KCNB2: variants seen among roughly 807,000 people sequenced by gnomAD.
KCNB2 encodes the protein potassium voltage-gated channel subfamily B member 2.
A neutral mutation model predicts 61.5 loss-of-function variants in KCNB2; 15 were observed. That is an observed-to-expected ratio of 0.24 (90% CI 0.16 to 0.38). The LOEUF (loss-of-function observed/expected upper bound fraction) is 0.38. Among genes scored for constraint, KCNB2 ranks in the 10% least tolerant of loss-of-function variants. The probability of loss-of-function intolerance (pLI) is 1.00; values close to 1 mark genes in which losing one functional copy is unlikely to be tolerated. For missense variants in KCNB2, 828 were observed against 1,125.2 expected, an observed-to-expected ratio of 0.74 and a Z score of 3.78; for synonymous variants, 457 against 446.0, an observed-to-expected ratio of 1.02 and a Z score of -0.31.
intron 2 of KCNB2, among the ~76,000 whole-genome samples, chr8:72,590,226 G>A (rs1208012124): frequency 6.6e-6 from 1 of 152,136 alleles, no homozygotes; most frequent in Non-Finnish European, 1.5e-5. Flanking sequence ...TAGGTATCAT[G>A]TGGTACAGCA....
chr8:72,621,077 TTC>T (rs1805706767), intron 2 of KCNB2, among the ~76,000 whole-genome samples: 1 of 152,194 alleles, frequency 6.6e-6, no homozygotes, highest in Non-Finnish European at 1.5e-5. Context: ...ATAAAAGTGA[TTC>T]TGTTTATATG....
At chr8:72,564,777 T>A (rs1308859030) in intron 1 of KCNB2, among the ~76,000 whole-genome samples, 1 of 152,186 alleles carries the variant, frequency 6.6e-6, no homozygotes, top group Non-Finnish European at 1.5e-5. Flanking sequence ...ATCCCAGGCC[T>A]GCCTTTATAA....
intron 2 of KCNB2, among the ~76,000 whole-genome samples, chr8:72,853,383 C>T (rs1039161378): frequency 3.9e-5 from 6 of 152,220 alleles, no homozygotes; most frequent in African/African-American, 1.4e-4. Flanking sequence ...AGGGATCAAG[C>T]TCAATCTGAC....
chr8:72,869,131 C>T (rs1401361829), intron 2 of KCNB2, among the ~76,000 whole-genome samples: 2 of 152,156 alleles, frequency 1.3e-5, no homozygotes, highest in African/African-American at 4.8e-5. Context: ...GGAAGCTGCA[C>T]AGAGATAAGA....
intron 2 of KCNB2, among the ~76,000 whole-genome samples, chr8:72,588,512 T>G (rs1807036359): frequency 6.6e-6 from 1 of 152,110 alleles, no homozygotes; most frequent in South Asian, 2.1e-4. Flanking sequence ...GTGCTGAGAT[T>G]ACAGGCTTAA....
intron 2 of KCNB2, among the ~76,000 whole-genome samples, chr8:72,844,686 T>C (rs1000567357): frequency 1.3e-5 from 2 of 152,246 alleles, no homozygotes; most frequent in African/African-American, 4.8e-5. Context: ...TTTCATTAAG[T>C]TGATCTTCAA....
At chr8:72,600,844 G>A (rs1262710822) in intron 2 of KCNB2, among the ~76,000 whole-genome samples, 1 of 152,068 alleles carries the variant, frequency 6.6e-6, no homozygotes, top group Non-Finnish European at 1.5e-5. Context: ...CCAGTAGGGT[G>A]GAGGGTGGGA....
chr8:72,759,167 A>G (rs1025267352), intron 2 of KCNB2, among the ~76,000 whole-genome samples: 1 of 152,198 alleles, frequency 6.6e-6, no homozygotes, highest in Non-Finnish European at 1.5e-5. Flanking sequence ...TCAGTAAAAA[A>G]GAGGGATAGA....
intron 2 of KCNB2, among the ~76,000 whole-genome samples, chr8:72,645,802 A>G (rs1439419957): frequency 6.6e-6 from 1 of 152,158 alleles, no homozygotes; most frequent in Non-Finnish European, 1.5e-5. Context: ...ACCTTTACCA[A>G]TTTTAGATAG....
chr8:72,899,278 C>T (rs1169870721), intron 2 of KCNB2, among the ~76,000 whole-genome samples: 2 of 152,118 alleles, frequency 1.3e-5, no homozygotes, highest in Non-Finnish European at 2.9e-5. Flanking sequence ...AAGCCCACAG[C>T]CAACATCACA....
intron 2 of KCNB2, among the ~76,000 whole-genome samples, chr8:72,826,349 A>G (rs1302263184): frequency 6.6e-6 from 1 of 152,164 alleles, no homozygotes; most frequent in African/African-American, 2.4e-5. Flanking sequence ...GCAGGTCTAC[A>G]TGTTGGTGTT....
chr8:72,737,931 G>A (rs941843638), intron 2 of KCNB2, among the ~76,000 whole-genome samples: 1 of 152,094 alleles, frequency 6.6e-6, no homozygotes, highest in African/African-American at 2.4e-5. Flanking sequence ...TGAGATGCAG[G>A]ATTTTCCTCA....
At chr8:72,928,195 T>C (rs1482027) in intron 2 of KCNB2, among the ~76,000 whole-genome samples, 60,990 of 146,098 alleles carry the variant, frequency 0.42, 13,789 homozygotes, top group East Asian at 0.87. Flanking sequence ...TTCTTTCTTT[T>C]TTTTTTTTTT....
chr8:72,561,706 T>C (rs1294488660), intron 1 of KCNB2, among the ~76,000 whole-genome samples: 16 of 20,652 alleles, frequency 7.7e-4, no homozygotes, highest in African/African-American at 3.9e-3. Context: ...TATATATATA[T>C]ATATATATAT....
chr8:72,664,448 A>G (rs1314636574), intron 2 of KCNB2, among the ~76,000 whole-genome samples: 2 of 152,232 alleles, frequency 1.3e-5, no homozygotes, highest in East Asian at 3.8e-4. Flanking sequence ...CAATAGTTCC[A>G]GCAGTTTTCA....
chr8:72,769,330 G>A (rs1280932611), intron 2 of KCNB2, among the ~76,000 whole-genome samples: 1 of 151,950 alleles, frequency 6.6e-6, no homozygotes, highest in Non-Finnish European at 1.5e-5. Flanking sequence ...ATTGGACACT[G>A]ATCAAGTAGT....
At chr8:72,715,502 G>C (rs1418441054) in intron 2 of KCNB2, among the ~76,000 whole-genome samples, 1 of 152,198 alleles carries the variant, frequency 6.6e-6, no homozygotes, top group South Asian at 2.1e-4. Flanking sequence ...TCAGGATTAA[G>C]AAACTCACTC....
chr8:72,705,954 T>G (rs1401425755), intron 2 of KCNB2, among the ~76,000 whole-genome samples: 1 of 152,174 alleles, frequency 6.6e-6, no homozygotes, highest in Admixed American at 6.5e-5. Flanking sequence ...AGGTTCCTGA[T>G]TGTGCTACTA....
chr8:72,584,032 G>A (rs1227132509), intron 2 of KCNB2, among the ~76,000 whole-genome samples: 2 of 148,990 alleles, frequency 1.3e-5, no homozygotes, highest in African/African-American at 4.9e-5. Context: ...AAGAATGCCA[G>A]TGGTGGTAGG....
Sources: gnomAD v4.1 joint callset for allele counts (sites outside exome capture counted in the v4.1 genomes callset) on GRCh38, gnomAD v4.1.1 for gene constraint, MANE v1.5 for transcripts, NCBI Gene and HGNC (gene_info 2026-07-23, HGNC 2026-07-21) for gene names.